The following SPOCK1 variants were observed in gnomAD, a reference collection of about 807,000 sequenced individuals.
The protein encoded by SPOCK1 is SPARC (osteonectin), cwcv and kazal like domains proteoglycan 1, also known as testican-1.
A neutral mutation model predicts 55.3 loss-of-function variants in SPOCK1; 23 were observed. The ratio of observed to expected loss-of-function variants is 0.42; its 90% CI spans 0.30 to 0.59. The LOEUF (loss-of-function observed/expected upper bound fraction) is 0.59. SPOCK1 is among the 20% of genes least tolerant of loss of function. SPOCK1 has a pLI of 0.22. For missense variants in SPOCK1, 499 were observed against 552.5 expected, an observed-to-expected ratio of 0.90 and a Z score of 0.97; for synonymous variants, 226 against 221.0, an observed-to-expected ratio of 1.02 and a Z score of -0.20.
intron 4 of SPOCK1, among the ~76,000 whole-genome samples, chr5:137,136,452 T>G (rs1036042810): frequency 3.9e-5 from 6 of 152,062 alleles, no homozygotes; most frequent in Non-Finnish European, 8.8e-5. Context: ...CTTATAAAAA[T>G]TAACTAAAGA....
chr5:136,976,746 G>A lies in SPOCK1; in HGVS notation c.*1908C>T, dbSNP rs1750621697. The A allele has an allele frequency of 6.6e-6, 1 of 152,274 alleles. No homozygotes were observed. The highest frequency in any genetic ancestry group is 1.5e-5 in the Non-Finnish European group (1 of 68,044). 9.4% of individuals were successfully genotyped at this position (152,274 alleles called of 1,614,324 possible). On this transcript the variant is annotated 3_prime_UTR_variant, in exon 11 of 11. Transcript: ENST00000394945. Reference sequence around the variant, plus strand: ...TTGCCTATGGTCTGTCTTCCTATGGGGAAAGTAAGTACAAAACCTCAGGGT... The same window carrying A: ...TTGCCTATGGTCTGTCTTCCTATGGAGAAAGTAAGTACAAAACCTCAGGGT...
chr5:136,995,830 G>A (rs1447840524), intron 6 of SPOCK1, among the ~76,000 whole-genome samples: 1 of 152,200 alleles, frequency 6.6e-6, no homozygotes, highest in Admixed American at 6.5e-5. Flanking sequence ...GAATGAATCT[G>A]TCACTCAGGG....
intron 3 of SPOCK1, among the ~76,000 whole-genome samples, chr5:137,152,700 T>TC (rs1323527724): frequency 4.6e-5 from 7 of 152,200 alleles, no homozygotes. Flanking sequence ...CATGACTCTG[T>TC]CTTCTACAGT....
intron 2 of SPOCK1, among the ~76,000 whole-genome samples, chr5:137,426,060 C>T (rs555122486): frequency 6.6e-6 from 1 of 152,104 alleles, no homozygotes; most frequent in South Asian, 2.1e-4. Context: ...CAGCTGGGCT[C>T]CAACCCTGGC....
chr5:137,361,881 G>A (rs867895757), intron 2 of SPOCK1, among the ~76,000 whole-genome samples: 70 of 152,332 alleles, frequency 4.6e-4, no homozygotes, highest in African/African-American at 1.6e-3. Context: ...TGTTCCCAGA[G>A]TTTAGGAGCT....
chr5:137,409,033 G>A (rs1752157724), intron 2 of SPOCK1, among the ~76,000 whole-genome samples: 1 of 152,068 alleles, frequency 6.6e-6, no homozygotes, highest in African/African-American at 2.4e-5. Context: ...ACATTTTAGA[G>A]CACAGCCTAT....
At chr5:137,426,304 G>A (rs1323384456) in intron 2 of SPOCK1, among the ~76,000 whole-genome samples, 1 of 152,148 alleles carries the variant, frequency 6.6e-6, no homozygotes, top group Non-Finnish European at 1.5e-5. Context: ...AGTCCATTTG[G>A]TGATAAGATT....
chr5:136,995,486 A>G (rs942407876), intron 6 of SPOCK1, among the ~76,000 whole-genome samples: 2 of 152,202 alleles, frequency 1.3e-5, no homozygotes, highest in Non-Finnish European at 2.9e-5. Flanking sequence ...GCCCTGCTCT[A>G]AGCAGGAGAG....
intron 2 of SPOCK1, among the ~76,000 whole-genome samples, chr5:137,406,882 G>A (rs1341504486): frequency 6.6e-6 from 1 of 152,192 alleles, no homozygotes; most frequent in Non-Finnish European, 1.5e-5. Context: ...TCAAGCAAGT[G>A]CTTCAATAGA....
At chr5:136,995,146 AG>A (rs1160034800) in intron 6 of SPOCK1, among the ~76,000 whole-genome samples, 1 of 152,228 alleles carries the variant, frequency 6.6e-6, no homozygotes, top group Non-Finnish European at 1.5e-5. Context: ...CGTGCTGGGC[AG>A]CACTGAATCA....
chr5:137,287,286 C>G (rs529780040), intron 2 of SPOCK1, among the ~76,000 whole-genome samples: 35 of 152,202 alleles, frequency 2.3e-4, no homozygotes, highest in Non-Finnish European at 4.1e-4. Flanking sequence ...CATCATGCCC[C>G]TCCTCCTAGA....
chr5:137,176,170 G>A (rs115327491), intron 3 of SPOCK1, among the ~76,000 whole-genome samples: 1,728 of 152,236 alleles, frequency 0.011, 24 homozygotes, highest in Middle Eastern at 0.024. Context: ...AAGATGAAAA[G>A]CACTGAGCAA....
At chr5:137,283,413 A>C (rs1311006490) in intron 2 of SPOCK1, among the ~76,000 whole-genome samples, 1 of 152,168 alleles carries the variant, frequency 6.6e-6, no homozygotes, top group Non-Finnish European at 1.5e-5. Context: ...GAAAGTGAGG[A>C]CACTTAAGAA....
chr5:137,438,467 C>A (rs567403427), intron 2 of SPOCK1, among the ~76,000 whole-genome samples: 1 of 152,182 alleles, frequency 6.6e-6, no homozygotes, highest in African/African-American at 2.4e-5. Flanking sequence ...CTAAATAACC[C>A]AAAGGAGAAA....
chr5:137,152,745 C>T (rs1754341274), intron 3 of SPOCK1, among the ~76,000 whole-genome samples: 1 of 152,112 alleles, frequency 6.6e-6, no homozygotes, highest in African/African-American at 2.4e-5. Context: ...ATGTGGTTCC[C>T]ATTTCCTGCC....
At position 137,160,578 on chromosome 5, in the gene SPOCK1, A is replaced by AATATATAATATAT. The variant is rs1754519471; in HGVS notation, c.233-19885_233-19884insATATATTATATAT. Among the ~76,000 whole-genome samples, 17 of 47,070 alleles carry AATATATAATATAT rather than the reference A, an allele frequency of 3.6e-4. 1 individual carries two copies. The highest frequency in any genetic ancestry group is 1.3e-3 in the African/African-American group (17 of 13,390). The allele number at this position is 47,070 out of a possible 152,430, so 30.9% of individuals were successfully genotyped here. ...TATATTATATATTATATATTATATA[A>AATATATAATATAT]TATATATAATATATAATATATTATA... On this transcript the variant is annotated intron_variant, in intron 3 of 10. Transcript: ENST00000394945.
chr5:137,014,248 T>C (rs1407577210), intron 6 of SPOCK1, among the ~76,000 whole-genome samples: 1 of 152,176 alleles, frequency 6.6e-6, no homozygotes, highest in Non-Finnish European at 1.5e-5. Flanking sequence ...ATGAGTAAAA[T>C]GCTTTCTGAG....
chr5:137,441,921 A>G (rs1753022864), intron 2 of SPOCK1, among the ~76,000 whole-genome samples: 1 of 152,210 alleles, frequency 6.6e-6, no homozygotes, highest in Non-Finnish European at 1.5e-5. Flanking sequence ...GCCAGAAAGC[A>G]TGTCCCCTGC....
chr5:137,137,474 A>G (rs1027745823), intron 4 of SPOCK1, among the ~76,000 whole-genome samples: 1 of 152,166 alleles, frequency 6.6e-6, no homozygotes, highest in Non-Finnish European at 1.5e-5. Flanking sequence ...TCAGCCTCTA[A>G]GAGGAAGACA....
Sources: allele counts gnomAD v4.1 joint callset (sites outside exome capture counted in the v4.1 genomes callset), GRCh38; gene constraint gnomAD v4.1.1; transcripts MANE v1.5; gene names NCBI Gene and HGNC (gene_info 2026-07-23, HGNC 2026-07-21).